The following MTAP variants were observed in gnomAD, a reference collection of about 807,000 sequenced individuals.
MTAP encodes the protein methylthioadenosine phosphorylase, also known as S-methyl-5'-thioadenosine phosphorylase.
MTAP carries 33 observed loss-of-function variants against 33.6 expected under a neutral mutation model. The ratio of observed to expected loss-of-function variants is 0.98; its 90% CI spans 0.74 to 1.31. MTAP has a LOEUF of 1.31. MTAP is among the 40% of genes most tolerant of loss of function. The probability of loss-of-function intolerance (pLI) is 0.00; values close to 1 mark genes in which losing one functional copy is unlikely to be tolerated. For synonymous variants in MTAP, 148 were observed against 125.7 expected (o/e 1.18, Z -1.19); for missense variants, 367 against 360.0 (o/e 1.02, Z -0.16).
chr9:21,901,122 A>G (rs1367838911), intron 1 of MTAP, among the ~76,000 whole-genome samples: 1 of 152,214 alleles, frequency 6.6e-6, no homozygotes. Context: ...CATGACATAC[A>G]GTTTACCATT....
intron 4 of MTAP, among the ~76,000 whole-genome samples, chr9:21,832,640 C>T (rs1357166228): frequency 2.0e-5 from 3 of 152,120 alleles, no homozygotes; most frequent in African/African-American, 7.2e-5. Flanking sequence ...AAGTGGTGTC[C>T]ACTATTCCCC....
chr9:21,903,943 C>T (rs949542433), intron 1 of MTAP, among the ~76,000 whole-genome samples: 3 of 152,168 alleles, frequency 2.0e-5, no homozygotes, highest in African/African-American at 4.8e-5. Context: ...TTCTGTATCC[C>T]GGGTTCTTGC....
At chr9:21,859,737 C>A (rs553986310) in intron 7 of MTAP, 6 of 196,798 alleles carry the variant, frequency 3.0e-5, no homozygotes, top group Non-Finnish European at 6.1e-5. Context: ...GCTTTCTCTG[C>A]ATATCGCTTA....
intron 5 of MTAP, among the ~76,000 whole-genome samples, chr9:21,843,306 A>G (rs1211839079): frequency 6.6e-6 from 1 of 152,228 alleles, no homozygotes; most frequent in East Asian, 1.9e-4. Context: ...ATGGTAACAC[A>G]ATAATAGTGG....
At chr9:21,810,111 A>G (rs1824308409) in intron 1 of MTAP, among the ~76,000 whole-genome samples, 1 of 152,222 alleles carries the variant, frequency 6.6e-6, no homozygotes, top group Admixed American at 6.5e-5. Context: ...ACAAAGCACT[A>G]CAGAATGGGT....
intron 5 of MTAP, among the ~76,000 whole-genome samples, chr9:21,842,274 A>G (rs1825266527): frequency 6.6e-6 from 1 of 152,202 alleles, no homozygotes; most frequent in African/African-American, 2.4e-5. Context: ...GGTTTATGTT[A>G]AATGGCCAAA....
At chr9:21,916,080 AAAGGAAGGAAGGAAGGAAGGAAGG>A (rs375102585) in intron 1 of MTAP, among the ~76,000 whole-genome samples, 1 of 116,982 alleles carries the variant, frequency 8.5e-6, no homozygotes, top group Non-Finnish European at 1.7e-5. Context: ...GGGAGGAAGG[AAAGGAAGGAAGGAAGGAAGGAAGG>A]AAGGAAGGAA....
intron 4 of MTAP, among the ~76,000 whole-genome samples, chr9:21,822,867 C>T (rs1417479933): frequency 6.6e-6 from 1 of 152,170 alleles, no homozygotes; most frequent in Non-Finnish European, 1.5e-5. Context: ...GAATTGATCC[C>T]TTTACCATTA....
rs1825801180 is a variant in MTAP, at chr9:21,863,737, G to T, written c.*1723G>T. On this transcript the variant is annotated 3_prime_UTR_variant, in exon 8 of 8. Transcript: ENST00000644715. ...TGTAGGCTATTACAGGATACTTCAG[G>T]ATCAAGATACAGAACCTTTTATTTA... 1 of 985,756 alleles carries T rather than the reference G, an allele frequency of 1.0e-6. No individual in the cohort carries two copies. The allele number at this position is 985,756 out of a possible 1,614,324, so 61.1% of individuals were successfully genotyped here. A position where few individuals can be genotyped will look rare whatever the true frequency, so the allele number is the denominator to read the frequency against.
rs533569219 is a variant in MTAP, at chr9:21,841,561, G to A, written c.450+3551G>A. Among the ~76,000 whole-genome samples, 15 of 152,306 alleles carry A rather than the reference G, an allele frequency of 9.8e-5. 1 individual carries two copies. In the South Asian group the frequency reaches 3.1e-3, roughly 32 times the overall value. On this transcript the variant is annotated intron_variant, in intron 5 of 7. Transcript: ENST00000644715. Reference sequence around the variant, plus strand: ...GCCACATCTACCAGAGCAGGTGCTAGTAGCCACAGCTTGGAGACCTGAAGA... The same window carrying A: ...GCCACATCTACCAGAGCAGGTGCTAATAGCCACAGCTTGGAGACCTGAAGA...
At chr9:21,812,986 A>G (rs1478620127) in intron 1 of MTAP, among the ~76,000 whole-genome samples, 1 of 152,236 alleles carries the variant, frequency 6.6e-6, no homozygotes, top group Non-Finnish European at 1.5e-5. Context: ...GAAATAAGGT[A>G]AGGCCACTGA....
At chr9:21,820,139 T>C (rs1408939476) in intron 4 of MTAP, among the ~76,000 whole-genome samples, 2 of 152,194 alleles carry the variant, frequency 1.3e-5, no homozygotes, top group Admixed American at 6.5e-5. Context: ...AGAAGCTCTT[T>C]AGTTTAATTA....
intron 1 of MTAP, among the ~76,000 whole-genome samples, chr9:21,910,525 C>T (rs1818555155): frequency 6.6e-6 from 1 of 152,022 alleles, no homozygotes; most frequent in African/African-American, 2.4e-5. Flanking sequence ...ATTGGGAAAG[C>T]ACATGCATGC....
At chr9:21,931,446 T>C (rs998325703), downstream of MTAP, 1 of 358,108 alleles carries the variant, frequency 2.8e-6, no homozygotes, top group African/African-American at 2.1e-5. Flanking sequence ...TAATAATAGG[T>C]TGCAACTGGC....
At chr9:21,940,225 T>G, downstream of MTAP, among the ~76,000 whole-genome samples, 1 of 152,228 alleles carries the variant, frequency 6.6e-6, no homozygotes, top group East Asian at 1.9e-4. Flanking sequence ...TTGGAAAGAC[T>G]TTTTAAATTC....
intron 5 of MTAP, among the ~76,000 whole-genome samples, chr9:21,839,896 A>C: frequency 6.6e-6 from 1 of 152,232 alleles, no homozygotes; most frequent in East Asian, 1.9e-4. Flanking sequence ...AAGTTAACAA[A>C]AAAAGCTGGT....
chr9:21,837,863 C>A, intron 4 of MTAP, 45 bp from the exon 5 acceptor site: 6 of 1,525,002 alleles, frequency 3.9e-6, no homozygotes, highest in Non-Finnish European at 5.4e-6. Context: ...GGAAAGATGG[C>A]CTTAAAATAA....
intron 4 of MTAP, 37 bp downstream of exon 4, chr9:21,818,239 C>T (rs1379779082): frequency 6.5e-7 from 1 of 1,539,444 alleles, no homozygotes; most frequent in East Asian, 2.6e-5. Flanking sequence ...GCTATTGTAG[C>T]TGGTCATTTT....
chr9:21,923,114 C>A (rs1015643447), intron 1 of MTAP, among the ~76,000 whole-genome samples: 4 of 152,184 alleles, frequency 2.6e-5, no homozygotes, highest in African/African-American at 9.7e-5. Flanking sequence ...ACACACACTC[C>A]CTGTTATTCG....
Sources: allele counts gnomAD v4.1 joint callset (sites outside exome capture counted in the v4.1 genomes callset), GRCh38; gene constraint gnomAD v4.1.1; transcripts MANE v1.5; gene names NCBI Gene and HGNC (gene_info 2026-07-23, HGNC 2026-07-21).